Variants in NINL observed in about 807,000 individuals in gnomAD.
NINL encodes the protein ninein-like protein.
A neutral mutation model predicts 160.3 loss-of-function variants in NINL; 153 were observed. The observed-to-expected ratio is 0.95, with a 90% CI of 0.84 to 1.09. NINL has a LOEUF of 1.09. Among genes scored for constraint, NINL ranks in the 50% least tolerant of loss-of-function variants. NINL has a pLI of 0.00. For synonymous variants in NINL, 800 were observed against 734.8 expected (o/e 1.09, Z -1.43); for missense variants, 1,829 against 1,764.0 (o/e 1.04, Z -0.66).
chr20:25,492,601 A>G, intron 10 of NINL, among the ~76,000 whole-genome samples: 1 of 151,870 alleles, frequency 6.6e-6, no homozygotes. Context: ...ACAGGCACCC[A>G]CCACCATGCC....
intron 1 of NINL, among the ~76,000 whole-genome samples, chr20:25,573,101 A>T (rs2065072789): frequency 6.6e-6 from 1 of 152,182 alleles, no homozygotes; most frequent in African/African-American, 2.4e-5. Context: ...GTTCCAGACC[A>T]GCCTGGCCAA....
At chr20:25,491,299 G>A in intron 11 of NINL, 52 bp downstream of exon 11, 1 of 1,555,662 alleles carries the variant, frequency 6.4e-7, no homozygotes. Context: ...GTGGGTGTGG[G>A]GAATGCTCAG....
Position 25,461,696 on chromosome 20 carries a change from C to T in NINL, c.3583-61G>A, listed in dbSNP as rs575085857. 48 of 1,141,126 alleles carry T rather than the reference C, an allele frequency of 4.2e-5. No individual in the cohort carries two copies. In the African/African-American group the frequency reaches 4.5e-4, roughly 11 times the overall value. The allele number at this position is 1,141,126 out of a possible 1,614,324, so 70.7% of individuals were successfully genotyped here. A position where few individuals can be genotyped will look rare whatever the true frequency, so the allele number is the denominator to read the frequency against. The stretch of plus-strand genomic sequence containing the variant: ...TATCTGAAGAGTCTGGTATGTAATT[C>T]GTGCAAAAACCTCAGAAAATTACAG... On this transcript the variant is annotated intron_variant, in intron 20 of 23. Transcript: ENST00000278886.
intron 2 of NINL, among the ~76,000 whole-genome samples, chr20:25,521,419 CG>C (rs1439956127): frequency 5.3e-5 from 8 of 152,158 alleles, no homozygotes; most frequent in Non-Finnish European, 1.2e-4. Flanking sequence ...CACATATTTG[CG>C]GGTGTGCTTC....
chr20:25,573,804 C>A (rs978131297), intron 1 of NINL, among the ~76,000 whole-genome samples: 1 of 152,240 alleles, frequency 6.6e-6, no homozygotes, highest in Non-Finnish European at 1.5e-5. Context: ...ATTTCTAAGT[C>A]TGACACACAT....
Position 25,491,739 on chromosome 20 carries a change from G to A in NINL, c.1311-214C>T, listed in dbSNP as rs576748631. On this transcript the variant is annotated intron_variant, in intron 10 of 23. Coordinates refer to ENST00000278886, the MANE Select transcript of NINL (RefSeq NM_025176.6). ...TGCTGGAGGTGACCCCAGACAAGGG[G>A]ATCTGGTGGGTCACATGGCAAATGC... Among the ~76,000 whole-genome samples the A allele has an allele frequency of 1.2e-4, 18 of 152,348 alleles. 1 individual carries two copies. In the South Asian group the frequency reaches 3.7e-3, roughly 32 times the overall value.
chr20:25,521,585 C>T (rs938628196), intron 2 of NINL, among the ~76,000 whole-genome samples: 3 of 152,112 alleles, frequency 2.0e-5, no homozygotes, highest in Non-Finnish European at 4.4e-5. Context: ...GGCTAGGTGC[C>T]TATCCATGCA....
intron 10 of NINL, among the ~76,000 whole-genome samples, chr20:25,494,726 G>A (rs541614488): frequency 1.7e-4 from 26 of 152,316 alleles, no homozygotes; most frequent in African/African-American, 4.8e-4. Flanking sequence ...GCACAGATCC[G>A]TGGAAACCCT....
At position 25,470,923 on chromosome 20, in the gene NINL, G is replaced by A. The variant is rs2063079373; in HGVS notation, c.3249-828C>T. 2.0e-5 allele frequency among the ~76,000 whole-genome samples: 3 copies of A among 152,292 alleles called. No individual in the cohort carries two copies. In the South Asian group the frequency reaches 6.2e-4, roughly 32 times the overall value. ...TAATACTGACTGGTAAGGCTAACGT[G>A]TATTCCCCAAATAGGTCTCCATATG... On this transcript the variant is annotated intron_variant, in intron 17 of 23. Coordinates refer to ENST00000278886, the MANE Select transcript of NINL (RefSeq NM_025176.6).
In NINL at chr20:25,491,542, A is replaced by G. The variant is rs368881263; in HGVS notation, c.1311-17T>C. ...TCCAGATGCCTGTAACATGTCACACATCACACGTCAGACATGTCATGTCAG... is the reference window on the plus strand; with the variant it reads ...TCCAGATGCCTGTAACATGTCACACGTCACACGTCAGACATGTCATGTCAG... On this transcript the variant is annotated splice_polypyrimidine_tract_variant and intron_variant, in intron 10 of 23. Transcript: ENST00000278886. 3.8e-5 allele frequency: 61 copies of G among 1,609,812 alleles called. No individual in the cohort carries two copies. Among genetic ancestry groups the G allele is most frequent in the Non-Finnish European group, 5.2e-5 (61 of 1,177,074 alleles).
At chr20:25,525,187 C>T (rs1347337005) in intron 2 of NINL, among the ~76,000 whole-genome samples, 1 of 152,160 alleles carries the variant, frequency 6.6e-6, no homozygotes, top group Non-Finnish European at 1.5e-5. Context: ...ATGAGGGAGG[C>T]ACAGTGCCCT....
chr20:25,533,417 C>T (rs778981847), intron 1 of NINL, among the ~76,000 whole-genome samples: 6 of 152,136 alleles, frequency 3.9e-5, no homozygotes, highest in Non-Finnish European at 8.8e-5. Flanking sequence ...TTCCTGGACA[C>T]TGACATGTTA....
At chr20:25,463,435 A>G (rs1205042885) in intron 19 of NINL, among the ~76,000 whole-genome samples, 2 of 152,138 alleles carry the variant, frequency 1.3e-5, no homozygotes, top group Non-Finnish European at 2.9e-5. Flanking sequence ...AGGTTCATCA[A>G]ATTGTATGTT....
intron 22 of NINL, among the ~76,000 whole-genome samples, chr20:25,456,591 T>C (rs1413617268): frequency 1.3e-5 from 2 of 151,258 alleles, no homozygotes; most frequent in African/African-American, 4.9e-5. Flanking sequence ...TTACAGGCAA[T>C]ATTTTACATT....
intron 18 of NINL, among the ~76,000 whole-genome samples, chr20:25,467,791 C>T (rs1409800033): frequency 6.6e-6 from 1 of 152,180 alleles, no homozygotes; most frequent in Non-Finnish European, 1.5e-5. Context: ...ATGAATATTT[C>T]TTTTGTAAAA....
chr20:25,576,107 G>A (rs2065111677), intron 1 of NINL, among the ~76,000 whole-genome samples: 1 of 152,204 alleles, frequency 6.6e-6, no homozygotes, highest in African/African-American at 2.4e-5. Context: ...GTCCTTTACA[G>A]CTATCTTTTT....
rs1319943525 is a variant in NINL, at chr20:25,477,077, C to T, written c.2214G>A (p.Glu738=). ...SHLQQIRREA[E]AELSGELSGL... ...CCGACAGCTCTCCACTCAGCTCCGC[C>T]TCAGCCTCTCTCCTGTGGAAGTAGA... Residue 738 remains glutamate (E), a synonymous_variant, in exon 17 of 24, where the codon GAG becomes GAA. Transcript: ENST00000278886. 6.3e-7 allele frequency: 1 copy of T among 1,594,488 alleles called. No individual in the cohort carries two copies. The highest frequency in any genetic ancestry group is 1.7e-5 in the Admixed American group (1 of 59,684).
chr20:25,480,641 T>A (rs2146568582), intron 14 of NINL, among the ~76,000 whole-genome samples: 1 of 152,304 alleles, frequency 6.6e-6, no homozygotes, highest in Middle Eastern at 3.4e-3. Context: ...GAGCTTTAGA[T>A]GATGTGCCGA....
chr20:25,535,917 A>G (rs752322060), intron 1 of NINL, among the ~76,000 whole-genome samples: 29 of 152,228 alleles, frequency 1.9e-4, no homozygotes, highest in Non-Finnish European at 3.8e-4. Flanking sequence ...TTTTCCAAGC[A>G]CACAGATGGA....
Sources: allele counts gnomAD v4.1 joint callset (sites outside exome capture counted in the v4.1 genomes callset), GRCh38; gene constraint gnomAD v4.1.1; transcripts MANE v1.5; gene names NCBI Gene and HGNC (gene_info 2026-07-23, HGNC 2026-07-21).